Variants in CELF2 observed in about 807,000 individuals in gnomAD.
CELF2 encodes CUG triplet repeat RNA-binding protein 2.
Under a neutral mutation model 62.6 loss-of-function variants are expected in CELF2, and 8 were observed. That is an observed-to-expected ratio of 0.13 (90% CI 0.07 to 0.23). The LOEUF is 0.23. Ranked by LOEUF, CELF2 falls within the 10% of genes least tolerant of loss-of-function variation. The pLI is 1.00. For missense variants in CELF2, 333 were observed against 671.0 expected, an observed-to-expected ratio of 0.50 and a Z score of 5.56; for synonymous variants, 258 against 250.0, an observed-to-expected ratio of 1.03 and a Z score of -0.30.
the CELF2 span, among the ~76,000 whole-genome samples, chr10:10,523,080 A>G: frequency 5.9e-5 from 9 of 152,188 alleles, no homozygotes; most frequent in African/African-American, 1.7e-4. Flanking sequence ...GAGCCCACCT[A>G]TGGACCGTCA....
the CELF2 span, among the ~76,000 whole-genome samples, chr10:10,592,118 G>A: frequency 3.3e-5 from 5 of 152,060 alleles, no homozygotes; most frequent in African/African-American, 2.4e-5. Context: ...TATAACTAGC[G>A]TACAACCTTT....
intron 1 of CELF2, among the ~76,000 whole-genome samples, chr10:10,910,858 T>G (rs964331241): frequency 6.6e-6 from 1 of 152,216 alleles, no homozygotes; most frequent in Non-Finnish European, 1.5e-5. Flanking sequence ...TTCTAGGCTC[T>G]GAGACTATCT....
chr10:11,110,024 TGAGGCA>T lies in CELF2; in HGVS notation c.75-55460_75-55455del, dbSNP rs2054703654. The stretch of plus-strand genomic sequence containing the variant: ...TTGTAATCCCAGCACTTTGAGAGGC[TGAGGCA>T]GGAGGATGGCTTGAGCTCGGGAGTT... On this transcript the variant is annotated intron_variant, in intron 1 of 12. Transcript: ENST00000633077. This position sits in a 1 kb window ranked among gnomAD's most constrained non-coding sequence, Gnocchi z 4.0. Among the ~76,000 whole-genome samples, 1 of 152,186 alleles carries T rather than the reference TGAGGCA, an allele frequency of 6.6e-6. No homozygotes were observed. The highest frequency in any genetic ancestry group is 2.4e-5 in the African/African-American group (1 of 41,442).
the CELF2 span, among the ~76,000 whole-genome samples, chr10:10,514,047 C>T: frequency 1.3e-5 from 2 of 152,326 alleles, no homozygotes; most frequent in East Asian, 1.9e-4. Flanking sequence ...TTACTCAACA[C>T]CCTGGAGCCG....
the CELF2 span, among the ~76,000 whole-genome samples, chr10:10,502,850 T>G: frequency 6.6e-6 from 1 of 152,010 alleles, no homozygotes; most frequent in Admixed American, 6.5e-5. Flanking sequence ...TTTGAGACAT[T>G]TCTTCCTTTC....
chr10:11,130,062 G>T (rs1030963754), intron 1 of CELF2, among the ~76,000 whole-genome samples: 2 of 152,078 alleles, frequency 1.3e-5, no homozygotes, highest in Non-Finnish European at 2.9e-5. Context: ...CAGAGATTCT[G>T]GTACATTGTG....
At chr10:11,233,402 T>G (rs2069648683) in intron 3 of CELF2, among the ~76,000 whole-genome samples, 1 of 152,156 alleles carries the variant, frequency 6.6e-6, no homozygotes, top group Non-Finnish European at 1.5e-5. Flanking sequence ...TTTCACTGCT[T>G]TCTTCTCACG....
rs1030380849 is a variant in CELF2 at position 11,333,962 on chromosome 10, C to T, written c.*4909C>T. ...CAATGACTGATTTCAAGTTTGATTT[C>T]GGGTTGATTGATTGATTGATTGATA... is the stretch of plus-strand genomic sequence containing the variant. On this transcript the variant is annotated 3_prime_UTR_variant, in exon 13 of 13. Coordinates refer to ENST00000633077, the MANE Select transcript of CELF2 (RefSeq NM_001326342.2). The T allele has an allele frequency of 3.7e-5, 5 of 136,470 alleles. No individual in the cohort carries two copies. Among genetic ancestry groups the T allele is most frequent in the Non-Finnish European group, 4.7e-5 (3 of 64,060 alleles). 8.5% of individuals were successfully genotyped at this position (136,470 alleles called of 1,614,324 possible). A position where few individuals can be genotyped will look rare whatever the true frequency, so the allele number is the denominator to read the frequency against.
At chr10:10,940,549 G>C (rs2046941129) in intron 2 of CELF2, among the ~76,000 whole-genome samples, 1 of 151,918 alleles carries the variant, frequency 6.6e-6, no homozygotes, top group African/African-American at 2.4e-5. Context: ...AAATGGCTTT[G>C]TTTATGTTCT....
At chr10:10,824,565 A>T (rs2057233607) in intron 1 of CELF2, among the ~76,000 whole-genome samples, 1 of 152,204 alleles carries the variant, frequency 6.6e-6, no homozygotes, top group Non-Finnish European at 1.5e-5. Context: ...TGGCTCTTGG[A>T]TAATAGTTAT....
rs2054092699 is a variant in CELF2, at chr10:10,997,569, A to G, written c.89+77570A>G. Among the ~76,000 whole-genome samples, 1 of 152,228 alleles carries G rather than the reference A, an allele frequency of 6.6e-6. No homozygotes were observed. Among genetic ancestry groups the G allele is most frequent in the Non-Finnish European group, 1.5e-5 (1 of 68,038 alleles). ...CACCAAAGGTCATATTCACGTTTGG[A>G]TCCCAGATAATGGTCGAGTAACGTA... On this transcript the variant is annotated intron_variant, in intron 2 of 13. Transcript: ENST00000636488. This position sits in a 1 kb window ranked among gnomAD's most constrained non-coding sequence, Gnocchi z 5.3.
At chr10:10,499,516 T>C in the CELF2 span, among the ~76,000 whole-genome samples, 1 of 152,106 alleles carries the variant, frequency 6.6e-6, no homozygotes, top group South Asian at 2.1e-4. Flanking sequence ...CAGTTTAAGT[T>C]GGGGCAGAGG....
chr10:11,105,496 A>C (rs1164791001), intron 1 of CELF2: 1 of 152,150 alleles, frequency 6.6e-6, no homozygotes, highest in East Asian at 1.9e-4. Context: ...CCATGACTTG[A>C]TTATCTCCAA....
intron 1 of CELF2, among the ~76,000 whole-genome samples, chr10:11,114,228 A>G (rs2055985654): frequency 1.3e-5 from 2 of 152,230 alleles, no homozygotes; most frequent in Admixed American, 6.5e-5. Flanking sequence ...GAGAGTAAAA[A>G]CAATGAAATG....
In CELF2 at chr10:11,220,547, G is replaced by C. The variant is rs2136025476; in HGVS notation, c.354+3040G>C. Among the ~76,000 whole-genome samples, 1 of 152,296 alleles carries C rather than the reference G, an allele frequency of 6.6e-6. No homozygotes were observed. Among genetic ancestry groups the C allele is most frequent in the African/African-American group, 2.4e-5 (1 of 41,564 alleles). On this transcript the variant is annotated intron_variant, in intron 3 of 12. Transcript: ENST00000633077. The surrounding 1 kb of genome is among the most constrained non-coding windows in gnomAD (Gnocchi z 4.4). ...CTCCCAGATTGAGGTGACAGATCAGGGCTCTTACGGAGCAGTGCAAAATCA... is the reference window on the plus strand; with the variant it reads ...CTCCCAGATTGAGGTGACAGATCAGCGCTCTTACGGAGCAGTGCAAAATCA...
the CELF2 span, among the ~76,000 whole-genome samples, chr10:10,785,199 C>G: frequency 1.3e-5 from 2 of 152,130 alleles, no homozygotes; most frequent in African/African-American, 4.8e-5. Flanking sequence ...GCAGTGGCAC[C>G]GAACCCACCC....
At chr10:10,598,440 C>T in the CELF2 span, among the ~76,000 whole-genome samples, 1 of 152,146 alleles carries the variant, frequency 6.6e-6, no homozygotes, top group Non-Finnish European at 1.5e-5. Context: ...TATTAATCAG[C>T]ATGGAAACAG....
chr10:11,146,229 G>T (rs1261713246), intron 1 of CELF2, among the ~76,000 whole-genome samples: 1 of 152,192 alleles, frequency 6.6e-6, no homozygotes, highest in Non-Finnish European at 1.5e-5. Context: ...TTTAGTGAAT[G>T]AATGAATTAT....
the CELF2 span, among the ~76,000 whole-genome samples, chr10:10,589,948 T>C: frequency 5.0e-3 from 766 of 152,262 alleles, 9 homozygotes; most frequent in Non-Finnish European, 7.7e-3. Context: ...GTAGTGATTC[T>C]AGGGTGCCTA....
Sources: gnomAD v4.1 joint callset for allele counts (sites outside exome capture counted in the v4.1 genomes callset) on GRCh38, gnomAD v4.1.1 for gene constraint, Gnocchi (gnomAD v3.1) non-coding constraint, MANE v1.5 for transcripts, NCBI Gene and HGNC (gene_info 2026-07-23, HGNC 2026-07-21) for gene names.